Variants in ZNF354A observed in about 807,000 individuals in gnomAD.
ZNF354A encodes the protein zinc finger protein 354A, also known as epididymis luminal protein 104.
Under a neutral mutation model 53.3 loss-of-function variants are expected in ZNF354A, and 25 were observed. The ratio of observed to expected loss-of-function variants is 0.47; its 90% confidence interval spans 0.34 to 0.66. The LOEUF is 0.66. Among genes scored for constraint, ZNF354A ranks in the 30% least tolerant of loss-of-function variants. The probability of loss-of-function intolerance (pLI) is 0.01; values close to 1 mark genes in which losing one functional copy is unlikely to be tolerated. For synonymous variants in ZNF354A, 228 were observed against 249.0 expected (o/e 0.92, Z 0.79); for missense variants, 586 against 716.8 (o/e 0.82, Z 2.08).
chr5:178,712,028 G>T lies in ZNF354A; in HGVS notation c.*32C>A. The T allele has an allele frequency of 6.5e-7, 1 of 1,539,484 alleles. No homozygotes were observed. The highest frequency in any genetic ancestry group is 8.7e-7 in the Non-Finnish European group (1 of 1,147,654). ...AGGATGTATTCTTCGATGAGCTTTG[G>T]TTTAAGGCTTTCACACATACAAATC... On this transcript the variant is annotated 3_prime_UTR_variant, in exon 5 of 5. Transcript: ENST00000335815.
At chr5:178,725,629 G>A (rs1260165885) in intron 3 of ZNF354A, among the ~76,000 whole-genome samples, 158 bp from the exon 4 acceptor site, 1 of 152,134 alleles carries the variant, frequency 6.6e-6, no homozygotes, top group African/African-American at 2.4e-5. Context: ...AAGGCGGTAG[G>A]GTGAGGAAAA....
At chr5:178,725,545 A>T (rs140880659) in intron 3 of ZNF354A, 74 bp from the exon 4 acceptor site, 1 of 1,467,532 alleles carries the variant, frequency 6.8e-7, no homozygotes, top group African/African-American at 1.4e-5. Flanking sequence ...CCCAAATTTA[A>T]ATACAGAACT....
intron 3 of ZNF354A, chr5:178,726,363 T>A (rs1765908067): frequency 2.8e-6 from 1 of 361,162 alleles, no homozygotes; most frequent in Admixed American, 3.1e-5. Flanking sequence ...CAGGCTGGAG[T>A]GCAGTGGCGG....
At chr5:178,716,453 G>T (rs978564927) in intron 4 of ZNF354A, among the ~76,000 whole-genome samples, 1 of 152,078 alleles carries the variant, frequency 6.6e-6, no homozygotes, top group Non-Finnish European at 1.5e-5. Context: ...CTTTACATAT[G>T]CTGGCAGCAT....
chr5:178,713,667 C>T, intron 4 of ZNF354A, 46 bp from the exon 5 acceptor site: 1 of 1,501,692 alleles, frequency 6.7e-7, no homozygotes, highest in Non-Finnish European at 8.8e-7. Context: ...GATATCATAG[C>T]ATCTGACTAC....
At chr5:178,721,685 G>T (rs1765815613) in intron 4 of ZNF354A, among the ~76,000 whole-genome samples, 1 of 152,002 alleles carries the variant, frequency 6.6e-6, no homozygotes, top group African/African-American at 2.4e-5. Context: ...TTAGTTCTAG[G>T]CCCCCAGTTC....
intron 4 of ZNF354A, among the ~76,000 whole-genome samples, chr5:178,717,744 CT>C (rs1290301857): frequency 6.6e-6 from 1 of 152,118 alleles, no homozygotes; most frequent in Non-Finnish European, 1.5e-5. Context: ...CACTTAGACA[CT>C]GAAATATTAC....
intron 1 of ZNF354A, 184 bp from the exon 2 acceptor site, chr5:178,729,257 T>TG (rs1323494122): frequency 1.7e-6 from 1 of 599,972 alleles, no homozygotes; most frequent in Non-Finnish European, 3.0e-6. Flanking sequence ...CCCACAGGCT[T>TG]GGGGCTTACG....
chr5:178,723,852 C>G (rs868708145), intron 4 of ZNF354A, among the ~76,000 whole-genome samples: 46 of 152,128 alleles, frequency 3.0e-4, no homozygotes, highest in African/African-American at 8.9e-4. Context: ...CCCCGTTTCT[C>G]TACTCTGATT....
In ZNF354A at chr5:178,730,597, C is replaced by T. The variant is rs1006789766; in HGVS notation, c.-93G>A. On this transcript the variant is annotated 5_prime_UTR_variant, in exon 1 of 5. Transcript: ENST00000335815. ...GTCCCGGGCCGCGCCTCCCCAGCCGCGAGGCTCCGGAACCGCCGGCCGGGA... is the reference window on the plus strand; with the variant it reads ...GTCCCGGGCCGCGCCTCCCCAGCCGTGAGGCTCCGGAACCGCCGGCCGGGA... The T allele has an allele frequency of 6.6e-6, 1 of 151,910 alleles. No homozygotes were observed. The highest frequency in any genetic ancestry group is 1.5e-5 in the Non-Finnish European group (1 of 67,968). 9.4% of individuals were successfully genotyped at this position (151,910 alleles called of 1,614,324 possible). A position where few individuals can be genotyped will look rare whatever the true frequency, so the allele number is the denominator to read the frequency against.
intron 4 of ZNF354A, among the ~76,000 whole-genome samples, chr5:178,721,468 T>C (rs4421122): frequency 1 from 151,748 of 152,320 alleles, 75,593 homozygotes; most frequent in Non-Finnish European, 1. Context: ...AAACATTATG[T>C]GCTCCATGAC....
In ZNF354A at chr5:178,712,245, T is replaced by C; in HGVS notation, c.1633A>G (p.Thr545Ala). The change falls in exon 5 of 5, where the codon ACA becomes GCA. Residue 545 changes from threonine to alanine, a missense_variant. By Grantham distance (58) the Thr-to-Ala change is moderately conservative. This residue lies in a region of ZNF354A where 573 missense variants were observed against 680.1 expected (regional missense o/e 0.84). Transcript: ENST00000335815. ...SALIQHRRIH[T>A]GEKPFKCNTC... ...TTACATTTAAAGGGTTTTTCTCCTG[T>C]ATGAATCCTTCGATGCTGAATAAGA... 1 of 1,614,136 alleles carries C rather than the reference T, an allele frequency of 6.2e-7. No homozygotes were observed. The highest frequency in any genetic ancestry group is 8.5e-7 in the Non-Finnish European group (1 of 1,180,000).
At chr5:178,725,588 C>A in intron 3 of ZNF354A, 117 bp from the exon 4 acceptor site, 1 of 1,057,208 alleles carries the variant, frequency 9.5e-7, no homozygotes. Flanking sequence ...CTGTGTAGGG[C>A]TTCAGTTGTG....
intron 4 of ZNF354A, 68 bp downstream of exon 4, chr5:178,725,308 G>A (rs527708116): frequency 7.4e-6 from 11 of 1,495,552 alleles, no homozygotes; most frequent in East Asian, 2.3e-5. Context: ...CCCAACCAAC[G>A]TTCCTACCTC....
chr5:178,726,023 C>T (rs1409493724), intron 3 of ZNF354A: 3 of 342,546 alleles, frequency 8.8e-6, no homozygotes, highest in South Asian at 4.5e-5. Context: ...TTTGTATTTT[C>T]AGTAGAGACA....
intron 3 of ZNF354A, chr5:178,725,946 C>G: frequency 3.8e-6 from 1 of 261,638 alleles, no homozygotes; most frequent in Non-Finnish European, 7.7e-6. Context: ...CTCCCGGGTT[C>G]AAGTGATTTT....
Position 178,712,097 on chromosome 5 carries a change from G to GT in ZNF354A, c.1780dup (p.Thr594AsnfsTer2). On this transcript the variant is annotated frameshift_variant, in exon 5 of 5. Transcript: ENST00000335815. LOFTEE classifies it high-confidence loss of function. ...TTCGATATGAATTTTATAATGATTA[G>GT]TAAGGGATGACCTATGGTTGAAAAG... 6.2e-7 allele frequency: 1 copy of GT among 1,608,338 alleles called. No individual in the cohort carries two copies. Among genetic ancestry groups the GT allele is most frequent in the Non-Finnish European group, 8.5e-7 (1 of 1,176,846 alleles).
At chr5:178,730,332 G>A (rs1438365035) in intron 1 of ZNF354A, among the ~76,000 whole-genome samples, 6 of 152,100 alleles carry the variant, frequency 3.9e-5, no homozygotes, top group African/African-American at 9.6e-5. Flanking sequence ...GGCCCGGGAG[G>A]AAACGCCAGG....
intron 3 of ZNF354A, among the ~76,000 whole-genome samples, chr5:178,725,774 A>C: frequency 6.6e-6 from 1 of 152,232 alleles, no homozygotes; most frequent in Non-Finnish European, 1.5e-5. Context: ...CAGACTGATT[A>C]GAATTTCTAA....
Sources: allele counts gnomAD v4.1 joint callset (sites outside exome capture counted in the v4.1 genomes callset), GRCh38; gene constraint gnomAD v4.1.1; regional missense constraint gnomAD v4.1.1; transcripts MANE v1.5; gene names NCBI Gene and HGNC (gene_info 2026-07-23, HGNC 2026-07-21).